Variants in C1S observed in about 807,000 individuals in gnomAD.
C1S encodes complement C1s.
Under a neutral mutation model 54.0 loss-of-function variants are expected in C1S, and 31 were observed. That is an observed-to-expected ratio of 0.57 (90% CI 0.43 to 0.78). The LOEUF (loss-of-function observed/expected upper bound fraction) is 0.78, where lower values mean the gene tolerates loss of function less well. C1S is among the 30% of genes least tolerant of loss of function. The pLI, the probability that C1S is intolerant of heterozygous loss-of-function variation, is 0.00. For missense variants in C1S, 727 were observed against 851.8 expected, an observed-to-expected ratio of 0.85 and a Z score of 1.82; for synonymous variants, 292 against 303.6, an observed-to-expected ratio of 0.96 and a Z score of 0.40.
chr12:7,066,033 A>ATCTACCTGCTTTGATCCC, intron 7 of C1S, 63 bp downstream of exon 7: 2 of 1,455,106 alleles, frequency 1.4e-6, no homozygotes, highest in Non-Finnish European at 1.9e-6. Flanking sequence ...ATGTGGGATC[A>ATCTACCTGCTTTGATCCC]AAGCAGGTAG....
At chr12:7,062,406 C>T (rs1947104984) in intron 2 of C1S, 69 bp from the exon 3 acceptor site, 1 of 1,162,852 alleles carries the variant, frequency 8.6e-7, no homozygotes, top group Non-Finnish European at 1.3e-6. Context: ...CTGCCTCTGG[C>T]AAATAGCGCG....
chr12:7,070,366 A>G lies in C1S; in HGVS notation c.1782A>G (p.Lys594=). 6.2e-7 allele frequency: 1 copy of G among 1,614,274 alleles called. No individual in the cohort carries two copies. Among genetic ancestry groups the G allele is most frequent in the South Asian group, 1.1e-5 (1 of 91,086 alleles). Residue 594 remains lysine (K), a synonymous_variant, in exon 12 of 12, where the codon AAA becomes AAG. Transcript: ENST00000360817. This position sits in a 1 kb window ranked among gnomAD's most constrained non-coding sequence, Gnocchi z 4.9. The part of the protein sequence containing the change: ...AARLPVAPLR[K]CKEVKVEKPT... ...GGTTACCTGTAGCTCCTTTAAGAAA[A>G]TGCAAAGAAGTGAAAGTGGAGAAAC...
intron 8 of C1S, 80 bp from the exon 9 acceptor site, chr12:7,066,959 G>A: frequency 9.7e-7 from 1 of 1,034,806 alleles, no homozygotes; most frequent in African/African-American, 1.6e-5. Flanking sequence ...TTGATCCAAG[G>A]CCAGAGATCA....
chr12:7,067,018 G>C (rs782336370), intron 8 of C1S, 21 bp from the exon 9 acceptor site: 2 of 1,566,478 alleles, frequency 1.3e-6, no homozygotes, highest in Non-Finnish European at 1.8e-6. Flanking sequence ...GAAATAAGTG[G>C]TGATGTTTAT....
At chr12:7,061,964 A>G (rs1355282130) in intron 2 of C1S, 47 bp downstream of exon 2, 51 of 1,604,264 alleles carry the variant, frequency 3.2e-5, no homozygotes, top group Non-Finnish European at 4.3e-5. Flanking sequence ...CATTCCCTTC[A>G]TCTTCTCAAG....
At position 7,062,872 on chromosome 12, in the gene C1S, T is replaced by G. The variant is rs1178032371; in HGVS notation, c.214-18T>G. 9.3e-6 allele frequency: 15 copies of G among 1,613,012 alleles called. No individual in the cohort carries two copies. Among genetic ancestry groups the G allele is most frequent in the Admixed American group, 5.0e-5 (3 of 60,000 alleles). On this transcript the variant is annotated intron_variant, in intron 3 of 11. Transcript: ENST00000360817. ...TATTACCCTTTCCTAGATTTTTTTT[T>G]TGTGACTCTTCTCTTAGATAATCTC...
intron 5 of C1S, 117 bp downstream of exon 5, chr12:7,064,509 C>A: frequency 1.1e-6 from 1 of 911,252 alleles, no homozygotes; most frequent in Non-Finnish European, 1.6e-6. Flanking sequence ...TTTGGCACTT[C>A]TTTTTTATTT....
At chr12:7,066,478 A>T in intron 7 of C1S, 40 bp from the exon 8 acceptor site, 1 of 1,104,866 alleles carries the variant, frequency 9.1e-7, no homozygotes, top group Non-Finnish European at 1.4e-6. Context: ...TCAACTATTT[A>T]GTAATTTTTT....
rs760913159 is a variant in C1S, at chr12:7,065,195, C to T, written c.613C>T (p.Gln205Ter). ...TCCAGAGAACTCAAGGTGTGAATAC[C>T]AGATCCGGTTGGAGAAAGGGTTCCA... ...PYPENSRCEYQIRLEKGFQVV... is the reference protein window; with the variant it reads ...PYPENSRCEY Residue 205 changes from glutamine (Q) to a stop codon, truncating the protein, a stop_gained, in exon 6 of 12, where the codon CAG becomes TAG. Transcript: ENST00000360817. LOFTEE classifies it high-confidence loss of function. 6.2e-7 allele frequency: 1 copy of T among 1,613,876 alleles called. No individual in the cohort carries two copies. The highest frequency in any genetic ancestry group is 2.2e-5 in the East Asian group (1 of 44,872).
chr12:7,070,266 A>T lies in C1S; in HGVS notation c.1682A>T (p.Asp561Val), dbSNP rs781892037. ...PGTSSDYNLM[D>V]GDLGLISGWG... is the part of the protein sequence containing the mutation. Reference sequence around the variant, plus strand: ...ACCTCTTCCGACTACAACCTCATGGATGGGGACCTGGGACTGATCTCAGGC... The same window carrying T: ...ACCTCTTCCGACTACAACCTCATGGTTGGGGACCTGGGACTGATCTCAGGC... The change falls in exon 12 of 12, where the codon GAT becomes GTT. Residue 561 changes from aspartate to valine, a missense_variant. By Grantham distance (152) the Asp-to-Val change is radical. Around this residue, in one of 3 missense-constraint regions of C1S, gnomAD observed 360 missense variants for 453.6 expected, o/e 0.79. Transcript: ENST00000360817. The surrounding 1 kb of genome is among the most constrained non-coding windows in gnomAD (Gnocchi z 4.9). 5 of 1,614,210 alleles carry T rather than the reference A, an allele frequency of 3.1e-6. No homozygotes were observed. The East Asian group carries it at 6.7e-5, about 22-fold the overall frequency.
At chr12:7,061,666 A>G in intron 1 of C1S, 173 bp from the exon 2 acceptor site, 1 of 598,034 alleles carries the variant, frequency 1.7e-6, no homozygotes, top group African/African-American at 1.8e-5. Flanking sequence ...CTAGAAAGTT[A>G]GTCGAAGTTA....
intron 2 of C1S, 28 bp downstream of exon 2, chr12:7,061,945 C>T: frequency 6.2e-7 from 1 of 1,611,116 alleles, no homozygotes. Context: ...CCTGAGATGA[C>T]ACAGACTCCA....
At chr12:7,068,577 G>C in intron 11 of C1S, 47 bp downstream of exon 11, 4 of 1,268,968 alleles carry the variant, frequency 3.2e-6, no homozygotes, top group Non-Finnish European at 4.6e-6. Flanking sequence ...ATGGGTGACT[G>C]GGAGTCACCT....
Position 7,065,108 on chromosome 12 carries a change from A to C in C1S, c.526A>C (p.Ser176Arg), listed in dbSNP as rs138276431. The part of the protein sequence containing the change: ...DDMKNCGVNC[S>R]GDVFTALIGE... ...CTCTTTTTCTCTGTTAGTTAATTGCAGTGGGGATGTATTCACTGCACTGAT... is the reference window on the plus strand; with the variant it reads ...CTCTTTTTCTCTGTTAGTTAATTGCCGTGGGGATGTATTCACTGCACTGAT... Residue 176 changes from serine to arginine, a missense_variant, in exon 6 of 12, where the codon AGT (serine) becomes CGT (arginine). Ser to Arg is a moderately radical substitution (Grantham distance 110). Transcript: ENST00000360817. The C allele has an allele frequency of 6.2e-7, 1 of 1,613,106 alleles. No individual in the cohort carries two copies. The highest frequency in any genetic ancestry group is 1.3e-5 in the African/African-American group (1 of 75,008).
chr12:7,067,907 G>A (rs1450263228), intron 10 of C1S, 136 bp downstream of exon 10: 18 of 952,240 alleles, frequency 1.9e-5, no homozygotes, highest in African/African-American at 9.7e-5. Flanking sequence ...CCTTGGCTTC[G>A]TCCAAAGATA....
intron 11 of C1S, among the ~76,000 whole-genome samples, chr12:7,069,265 T>TAC (rs1285814501): frequency 5.9e-5 from 9 of 152,322 alleles, no homozygotes; most frequent in African/African-American, 1.7e-4. Context: ...AATTCAGTTA[T>TAC]TAGTATAACT....
intron 8 of C1S, 86 bp downstream of exon 8, chr12:7,066,719 A>G: frequency 3.6e-6 from 3 of 822,430 alleles, no homozygotes; most frequent in Non-Finnish European, 6.5e-6. Flanking sequence ...TACCCAATGT[A>G]TGTGTGTGAT....
At chr12:7,064,480 C>G in intron 5 of C1S, 88 bp downstream of exon 5, 1 of 1,399,248 alleles carries the variant, frequency 7.1e-7, no homozygotes, top group East Asian at 2.3e-5. Context: ...CTTCCAACTT[C>G]GATTAGGCCA....
intron 2 of C1S, 21 bp downstream of exon 2, chr12:7,061,938 G>C: frequency 1.9e-6 from 3 of 1,612,868 alleles, no homozygotes; most frequent in Non-Finnish European, 2.5e-6. Context: ...AAGGGTCCCT[G>C]AGATGACACA....
Sources: gnomAD v4.1 joint callset for allele counts (sites outside exome capture counted in the v4.1 genomes callset) on GRCh38, gnomAD v4.1.1 for gene constraint, gnomAD v4.1.1 regional missense constraint, Gnocchi (gnomAD v3.1) non-coding constraint, MANE v1.5 for transcripts, NCBI Gene and HGNC (gene_info 2026-07-23, HGNC 2026-07-21) for gene names.